Variants in SLC26A1 observed in about 807,000 individuals in gnomAD.
SLC26A1 encodes solute carrier family 26 member 1.
A neutral mutation model predicts 14.5 loss-of-function variants in SLC26A1; 18 were observed. The observed-to-expected ratio is 1.24, with a 90% confidence interval of 0.86 to 1.84. The LOEUF is 1.84. SLC26A1 is among the 40% of genes most tolerant of loss of function. The probability of loss-of-function intolerance (pLI) is 0.00; values close to 1 mark genes in which losing one functional copy is unlikely to be tolerated. For missense variants in SLC26A1, 1,049 were observed against 1,020.0 expected, an observed-to-expected ratio of 1.03 and a Z score of -0.39; for synonymous variants, 505 against 492.0, an observed-to-expected ratio of 1.03 and a Z score of -0.35.
At position 988,498 on chromosome 4, in the gene SLC26A1, TGGCGG is replaced by T. The variant is rs1277265285; in HGVS notation, c.*330_*334del. 18 of 1,136,502 alleles carry T rather than the reference TGGCGG, an allele frequency of 1.6e-5. No individual in the cohort carries two copies. The highest frequency in any genetic ancestry group is 1.8e-5 in the Non-Finnish European group (17 of 925,054). The allele number at this position is 1,136,502 out of a possible 1,614,324, so 70.4% of individuals were successfully genotyped here. ...TCTTGGCACCTTGGAGGCTGCATGA[TGGCGG>T]GGGACCCTTGTTCAAATAAGATGTC... On this transcript the variant is annotated 3_prime_UTR_variant, in exon 3 of 3. Coordinates refer to ENST00000398516, the MANE Select transcript of SLC26A1 (RefSeq NM_022042.4).
Position 989,778 on chromosome 4 carries a change from G to A in SLC26A1, c.1161C>T (p.Pro387=), listed in dbSNP as rs753516510. ...LLAVGCCNVL[P]AFLHCFATSA... ...TGGTGGCGAAGCAGTGGAGGAAGGC[G>A]GGTAGCACGTTGCAGCAGCCCACAG... Residue 387 remains proline (P), a synonymous_variant, in exon 3 of 3, where the codon CCC becomes CCT. Coordinates refer to ENST00000398516, the MANE Select transcript of SLC26A1 (RefSeq NM_022042.4). 4.5e-5 allele frequency: 70 copies of A among 1,566,388 alleles called. No homozygotes were observed. Among genetic ancestry groups the A allele is most frequent in the Non-Finnish European group, 5.4e-5 (63 of 1,156,410 alleles).
chr4:980,109 G>A (rs1375253643), intron 2 of SLC26A1, among the ~76,000 whole-genome samples: 1 of 152,226 alleles, frequency 6.6e-6, no homozygotes, highest in South Asian at 2.1e-4. Flanking sequence ...GATCAGGACG[G>A]GATTGGAGTT....
intron 2 of SLC26A1, among the ~76,000 whole-genome samples, chr4:980,144 C>T (rs771652957): frequency 3.3e-5 from 5 of 152,168 alleles, no homozygotes; most frequent in Non-Finnish European, 5.9e-5. Context: ...GGGCCCTGGG[C>T]TCGGCAGCCC....
Position 989,916 on chromosome 4 carries a change from C to T in SLC26A1, c.1023G>A (p.Val341=), listed in dbSNP as rs1386626639. Residue 341 remains valine, a synonymous_variant, in exon 3 of 3, where the codon GTG becomes GTA. Transcript: ENST00000398516. ...GGGCCAGGGCCACGGCATCCAAAGC[C>T]ACACGCTGCATCAGCCTGGGCTCTG... ...QVPEPRLMQR[V]ALDAVALALV... is the part of the protein sequence containing the mutation. 1 of 1,560,966 alleles carries T rather than the reference C, an allele frequency of 6.4e-7. No individual in the cohort carries two copies. The highest frequency in any genetic ancestry group is 8.7e-7 in the Non-Finnish European group (1 of 1,153,508).
chr4:979,485 C>T, exon 3 of SLC26A1: 1 of 1,613,912 alleles, frequency 6.2e-7, no homozygotes, highest in South Asian at 1.1e-5. Flanking sequence ...TTGCTGGAAG[C>T]TGTTTCTACC....
rs952737470 is a variant in SLC26A1 at position 988,143 on chromosome 4, G to A, written c.*690C>T. The A allele has an allele frequency of 4.3e-6, 6 of 1,405,232 alleles. No individual in the cohort carries two copies. In the East Asian group the frequency reaches 7.8e-5, roughly 18 times the overall value. The allele number at this position is 1,405,232 out of a possible 1,614,324, so 87.0% of individuals were successfully genotyped here. A position where few individuals can be genotyped will look rare whatever the true frequency, so the allele number is the denominator to read the frequency against. Reference sequence around the variant, plus strand: ...TGGAGGGAGCCCCTGCATGGGGCACGGTGGGCTTCCTGCAGGTCTCCCTGC... The same window carrying A: ...TGGAGGGAGCCCCTGCATGGGGCACAGTGGGCTTCCTGCAGGTCTCCCTGC... On this transcript the variant is annotated 3_prime_UTR_variant, in exon 3 of 3. Transcript: ENST00000398516.
At chr4:984,088 G>T (rs1713628163), downstream of SLC26A1, among the ~76,000 whole-genome samples, 1 of 152,210 alleles carries the variant, frequency 6.6e-6, no homozygotes, top group Non-Finnish European at 1.5e-5. Flanking sequence ...GCCTCCCAAA[G>T]TGCTGGGATT....
chr4:987,271 C>A (rs1295144905), downstream of SLC26A1: 1 of 1,510,996 alleles, frequency 6.6e-7, no homozygotes, highest in East Asian at 2.6e-5. Context: ...CCGGGACCCC[C>A]TGGCCGCACG....
At chr4:990,430 G>C (rs1714195973) in intron 2 of SLC26A1, 68 bp from the exon 3 acceptor site, 1 of 1,444,014 alleles carries the variant, frequency 6.9e-7, no homozygotes. Flanking sequence ...CCAGCACCTG[G>C]CATGGCCCGA....
rs1713912289 is a variant in SLC26A1, at chr4:988,348, G to A, written c.*485C>T. 1.5e-5 allele frequency: 16 copies of A among 1,086,852 alleles called. No individual in the cohort carries two copies. Among genetic ancestry groups the A allele is most frequent in the Non-Finnish European group, 1.8e-5 (16 of 892,962 alleles). The allele number at this position is 1,086,852 out of a possible 1,614,324, so 67.3% of individuals were successfully genotyped here. A position where few individuals can be genotyped will look rare whatever the true frequency, so the allele number is the denominator to read the frequency against. On this transcript the variant is annotated 3_prime_UTR_variant, in exon 3 of 3. Transcript: ENST00000398516. The stretch of plus-strand genomic sequence containing the variant: ...TGGCCACCCTGTGAGGGGGAGGCAC[G>A]AGGTGTGAGGGGCACTTGGGTGTGT...
In SLC26A1 at chr4:991,283, G is replaced by T; in HGVS notation, c.421C>A (p.Leu141Ile). Residue 141 changes from leucine (L) to isoleucine (I), a missense_variant, in exon 2 of 3, where the codon CTC (leucine) becomes ATC (isoleucine). Leu to Ile is a conservative substitution (Grantham distance 5, BLOSUM62 2). Transcript: ENST00000398516. ...GAGGGGTCAAAGCCGGCCAGCTGGA[G>T]CTCCCGGTCCACCACCTGCCCCACC... ...LMVGQVVDRE[L>I]QLAGFDPSQD... The T allele has an allele frequency of 6.2e-7, 1 of 1,612,720 alleles. No individual in the cohort carries two copies. Among genetic ancestry groups the T allele is most frequent in the Non-Finnish European group, 8.5e-7 (1 of 1,179,876 alleles).
chr4:987,915 C>T lies in SLC26A1; in HGVS notation c.*918G>A, dbSNP rs754966840. 9.4e-6 allele frequency: 15 copies of T among 1,602,492 alleles called. No homozygotes were observed. Among genetic ancestry groups the T allele is most frequent in the South Asian group, 3.4e-5 (3 of 89,456 alleles). ...CCCTCACCGCGGCATCAAGCAGGTCCGGACCCACTGGCTGCTGGAGCTTGT... is the reference window on the plus strand; with the variant it reads ...CCCTCACCGCGGCATCAAGCAGGTCTGGACCCACTGGCTGCTGGAGCTTGT... On this transcript the variant is annotated 3_prime_UTR_variant, in exon 3 of 3. Coordinates refer to ENST00000398516, the MANE Select transcript of SLC26A1 (RefSeq NM_022042.4).
downstream of SLC26A1, among the ~76,000 whole-genome samples, chr4:983,939 C>A (rs575232546): frequency 5.0e-4 from 76 of 152,358 alleles, 1 homozygote; most frequent in African/African-American, 1.8e-3. Flanking sequence ...ATTCTCCTGC[C>A]TCAGCCTCCT....
downstream of SLC26A1, chr4:987,176 T>C: frequency 1.4e-6 from 2 of 1,457,460 alleles, no homozygotes; most frequent in Non-Finnish European, 1.8e-6. Flanking sequence ...GCCCCGCACC[T>C]GGTGCATGTG....
rs1577509507 is a variant in SLC26A1 at position 988,048 on chromosome 4, A to C, written c.*785T>G. The stretch of plus-strand genomic sequence containing the variant: ...TGCTCGGAAGACCCCTTGTTCCCCC[A>C]CCTCCCGCCGAAGCACCCTGTTGGG... On this transcript the variant is annotated 3_prime_UTR_variant, in exon 3 of 3. Coordinates refer to ENST00000398516, the MANE Select transcript of SLC26A1 (RefSeq NM_022042.4). 1.4e-6 allele frequency: 2 copies of C among 1,474,952 alleles called. No homozygotes were observed. Among genetic ancestry groups the C allele is most frequent in the Non-Finnish European group, 9.0e-7 (1 of 1,109,678 alleles). 91.4% of individuals were successfully genotyped at this position (1,474,952 alleles called of 1,614,324 possible). A position where few individuals can be genotyped will look rare whatever the true frequency, so the allele number is the denominator to read the frequency against.
exon 3 of SLC26A1, chr4:979,342 C>A (rs901139055): frequency 3.1e-6 from 3 of 961,614 alleles, no homozygotes; most frequent in African/African-American, 3.2e-5. Context: ...CCACCGGCTT[C>A]TCGTGAGGCT....
chr4:991,076 C>T, intron 2 of SLC26A1, 52 bp downstream of exon 2: 2 of 1,498,412 alleles, frequency 1.3e-6, no homozygotes, highest in Admixed American at 2.4e-5. Flanking sequence ...ATGGCCAAAA[C>T]CTAAGGGGGG....
chr4:989,133 C>T lies in SLC26A1; in HGVS notation c.1806G>A (p.Leu602=). 6.2e-7 allele frequency: 1 copy of T among 1,606,814 alleles called. No individual in the cohort carries two copies. The highest frequency in any genetic ancestry group is 1.7e-4 in the Middle Eastern group (1 of 6,046). Reference sequence around the variant, plus strand: ...TGTGGAAGCCGGCCGCTGCGGGCACCAGCGCAGCCCTGGTGCTAACCGGGC... The same window carrying T: ...TGTGGAAGCCGGCCGCTGCGGGCACTAGCGCAGCCCTGGTGCTAACCGGGC... ...DLGPVSTRAA[L]VPAAAGFHTV... is the part of the protein sequence containing the mutation. Residue 602 remains leucine (L), a synonymous_variant, in exon 3 of 3, where the codon CTG becomes CTA. Coordinates refer to ENST00000398516, the MANE Select transcript of SLC26A1 (RefSeq NM_022042.4).
Position 988,136 on chromosome 4 carries a change from G to A in SLC26A1, c.*697C>T, listed in dbSNP as rs1713893820. 2 of 1,406,926 alleles carry A rather than the reference G, an allele frequency of 1.4e-6. No individual in the cohort carries two copies. The highest frequency in any genetic ancestry group is 1.6e-5 in the South Asian group (1 of 62,436). 87.2% of individuals were successfully genotyped at this position (1,406,926 alleles called of 1,614,324 possible). A position where few individuals can be genotyped will look rare whatever the true frequency, so the allele number is the denominator to read the frequency against. ...TGTGTGCTGGAGGGAGCCCCTGCAT[G>A]GGGCACGGTGGGCTTCCTGCAGGTC... is the stretch of plus-strand genomic sequence containing the variant. On this transcript the variant is annotated 3_prime_UTR_variant, in exon 3 of 3. Coordinates refer to ENST00000398516, the MANE Select transcript of SLC26A1 (RefSeq NM_022042.4).
Sources: gnomAD v4.1 joint callset for allele counts (sites outside exome capture counted in the v4.1 genomes callset) on GRCh38, gnomAD v4.1.1 for gene constraint, MANE v1.5 for transcripts, NCBI Gene and HGNC (gene_info 2026-07-23, HGNC 2026-07-21) for gene names.